The following MAP3K13 variants were observed in gnomAD, a reference collection of about 807,000 sequenced individuals.
MAP3K13 encodes mitogen-activated protein kinase kinase kinase 13, also known as leucine zipper-bearing kinase.
In MAP3K13, 52 loss-of-function variants were observed where a neutral mutation model predicts 104.0. The ratio of observed to expected loss-of-function variants is 0.50; its 90% CI spans 0.40 to 0.63. The LOEUF (loss-of-function observed/expected upper bound fraction) is 0.63, where lower values mean the gene tolerates loss of function less well. MAP3K13 is among the 20% of genes least tolerant of loss of function. The pLI, the probability that MAP3K13 is intolerant of heterozygous loss-of-function variation, is 0.00. For synonymous variants in MAP3K13, 394 were observed against 442.2 expected (o/e 0.89, Z 1.37); for missense variants, 914 against 1,218.5 (o/e 0.75, Z 3.72).
In MAP3K13 at chr3:185,473,741, A is replaced by G. The variant is rs1717948314; in HGVS notation, c.2410A>G (p.Lys804Glu). 6.2e-7 allele frequency: 1 copy of G among 1,613,528 alleles called. No homozygotes were observed. Among genetic ancestry groups the G allele is most frequent in the African/African-American group, 1.3e-5 (1 of 74,996 alleles). ...CGGCACCCCTCCAGCGCTACCTCGA[A>G]AAACAAGGCCTCTGCAGAAGGTAAA... ...HLGTPPALPR[K>E]TRPLQKSGDD... The change falls in exon 11 of 14, where the codon AAA (lysine) becomes GAA (glutamate). Residue 804 changes from lysine to glutamate, a missense_variant. Around this residue, in one of 3 missense-constraint regions of MAP3K13, gnomAD observed 583 missense variants for 737.4 expected, o/e 0.79. Coordinates refer to ENST00000265026, the MANE Select transcript of MAP3K13 (RefSeq NM_004721.5). This position sits in a 1 kb window ranked among gnomAD's most constrained non-coding sequence, Gnocchi z 4.9.
At chr3:185,290,275 T>C (rs1720685211) in intron 2 of MAP3K13, among the ~76,000 whole-genome samples, 1 of 152,152 alleles carries the variant, frequency 6.6e-6, no homozygotes, top group South Asian at 2.1e-4. Context: ...TTACAAAAAT[T>C]AGGTTATAGA....
Position 185,473,506 on chromosome 3 carries a change from G to A in MAP3K13, c.2175G>A (p.Gln725=), listed in dbSNP as rs1717932033. Residue 725 remains glutamine, a synonymous_variant, in exon 11 of 14, where the codon CAG becomes CAA. Coordinates refer to ENST00000265026, the MANE Select transcript of MAP3K13 (RefSeq NM_004721.5). This position sits in a 1 kb window ranked among gnomAD's most constrained non-coding sequence, Gnocchi z 4.9. ...AAGCTGGTCCCTGGGGCTGTTGCCAGGCTGACGCTTATGACCCCTGCCTTC... is the reference window on the plus strand; with the variant it reads ...AAGCTGGTCCCTGGGGCTGTTGCCAAGCTGACGCTTATGACCCCTGCCTTC... The part of the protein sequence containing the change: ...KGQAGPWGCC[Q]ADAYDPCLQC... 2 of 1,614,120 alleles carry A rather than the reference G, an allele frequency of 1.2e-6. No individual in the cohort carries two copies. The highest frequency in any genetic ancestry group is 2.2e-5 in the South Asian group (2 of 91,090).
chr3:185,399,214 G>T (rs571677767), intron 1 of MAP3K13, among the ~76,000 whole-genome samples: 18 of 152,052 alleles, frequency 1.2e-4, no homozygotes, highest in African/African-American at 4.3e-4. Context: ...AAGAAACAAA[G>T]GAAAGTGACA....
At chr3:185,444,521 G>T (rs1715494091) in intron 4 of MAP3K13, among the ~76,000 whole-genome samples, 1 of 152,056 alleles carries the variant, frequency 6.6e-6, no homozygotes, top group Non-Finnish European at 1.5e-5. Flanking sequence ...CAATTACAAG[G>T]TTCACAATGG....
chr3:185,295,197 TTTGTTGTTGTTG>T, intron 2 of MAP3K13, among the ~76,000 whole-genome samples: 1 of 152,002 alleles, frequency 6.6e-6, no homozygotes, highest in Middle Eastern at 3.4e-3. Context: ...TGTTGTTGTT[TTTGTTGTTGTTG>T]TTGTTGTTGT....
intron 10 of MAP3K13, among the ~76,000 whole-genome samples, chr3:185,467,760 T>C (rs1256095762): frequency 1.4e-5 from 2 of 143,360 alleles, no homozygotes; most frequent in African/African-American, 5.3e-5. Flanking sequence ...CCCAGTCTGG[T>C]GACAGAGCGA....
intron 1 of MAP3K13, among the ~76,000 whole-genome samples, chr3:185,379,564 C>G (rs1328839983): frequency 2.0e-5 from 3 of 152,056 alleles, no homozygotes; most frequent in Non-Finnish European, 4.4e-5. Flanking sequence ...GACTGGTCTC[C>G]CGAAGGAGTC....
At chr3:185,330,534 G>A (rs1018340717) in intron 2 of MAP3K13, among the ~76,000 whole-genome samples, 2 of 152,156 alleles carry the variant, frequency 1.3e-5, no homozygotes, top group Non-Finnish European at 2.9e-5. Context: ...GCTGGGCCAA[G>A]TTCCTCATTT....
chr3:185,379,042 T>C (rs1203744422), intron 1 of MAP3K13, among the ~76,000 whole-genome samples: 1 of 151,798 alleles, frequency 6.6e-6, no homozygotes, highest in Non-Finnish European at 1.5e-5. Context: ...AGGAGGCAAG[T>C]TTAAAGAGAA....
intron 2 of MAP3K13, among the ~76,000 whole-genome samples, chr3:185,355,793 C>A (rs1170784997): frequency 6.6e-6 from 1 of 152,098 alleles, no homozygotes; most frequent in Non-Finnish European, 1.5e-5. Context: ...TATAATCTGT[C>A]AACCACAGAA....
chr3:185,304,045 T>C (rs751545048), intron 2 of MAP3K13, among the ~76,000 whole-genome samples: 6 of 152,238 alleles, frequency 3.9e-5, no homozygotes, highest in African/African-American at 2.4e-5. Flanking sequence ...CTCAAGATAT[T>C]TCCTAATTTT....
chr3:185,357,109 T>TTC lies in MAP3K13; in HGVS notation c.-85-71372_-85-71371dup, dbSNP rs1389899870. Among the ~76,000 whole-genome samples the TTC allele has an allele frequency of 1.1e-3, 172 of 150,866 alleles. 1 individual carries two copies. The highest frequency in any genetic ancestry group is 3.8e-3 in the African/African-American group (155 of 41,200). On this transcript the variant is annotated intron_variant, in intron 2 of 14. Coordinates refer to the MAP3K13 transcript ENST00000424227. The stretch of plus-strand genomic sequence containing the variant: ...TAGAGAGTTAAGAAGTTTTTTTTTT[T>TTC]TCTCTCTCTCTCTCTCTTTTTACAT...
At position 185,364,363 on chromosome 3, in the gene MAP3K13, C is replaced by T. The variant is rs74919939; in HGVS notation, c.-86+995C>T. Reference sequence around the variant, plus strand: ...CTGCCCCTGGGGCAGCTCCTCAACCCGAATAATCTGACAGCATTTCCCAAC... The same window carrying T: ...CTGCCCCTGGGGCAGCTCCTCAACCTGAATAATCTGACAGCATTTCCCAAC... On this transcript the variant is annotated intron_variant, in intron 1 of 13. Transcript: ENST00000265026. Among the ~76,000 whole-genome samples the T allele has an allele frequency of 7.4e-3, 1,127 of 152,182 alleles. 7 individuals carry two copies. The highest frequency in any genetic ancestry group is 0.012 in the Non-Finnish European group (834 of 68,012).
intron 7 of MAP3K13, among the ~76,000 whole-genome samples, chr3:185,453,826 GATATAT>G (rs61131175): frequency 8.4e-5 from 1 of 11,884 alleles, no homozygotes; most frequent in Non-Finnish European, 2.2e-4. Context: ...ATATATATGA[GATATAT>G]ATATATGATA....
At chr3:185,337,481 C>G (rs1722549647) in intron 2 of MAP3K13, among the ~76,000 whole-genome samples, 1 of 152,180 alleles carries the variant, frequency 6.6e-6, no homozygotes, top group South Asian at 2.1e-4. Context: ...AAGAGAAACA[C>G]TTAGGCAAAT....
intron 2 of MAP3K13, among the ~76,000 whole-genome samples, chr3:185,338,850 T>C (rs1722612346): frequency 6.6e-6 from 1 of 152,184 alleles, no homozygotes; most frequent in African/African-American, 2.4e-5. Context: ...CAATTTTACT[T>C]GTGTTAATTT....
At chr3:185,298,764 A>C (rs554340077) in intron 2 of MAP3K13, among the ~76,000 whole-genome samples, 1 of 152,104 alleles carries the variant, frequency 6.6e-6, no homozygotes, top group Non-Finnish European at 1.5e-5. Flanking sequence ...ATATCCCCCA[A>C]CTGGTTTGCT....
intron 1 of MAP3K13, among the ~76,000 whole-genome samples, chr3:185,378,285 G>C (rs1299309138): frequency 6.6e-6 from 1 of 152,154 alleles, no homozygotes; most frequent in Non-Finnish European, 1.5e-5. Context: ...ACGGCCTTCT[G>C]ACCTTACAGG....
chr3:185,285,523 A>G lies in MAP3K13; in HGVS notation c.-204-2A>G. 8.8e-7 allele frequency: 1 copy of G among 1,140,604 alleles called. No homozygotes were observed. The highest frequency in any genetic ancestry group is 1.3e-6 in the Non-Finnish European group (1 of 797,120). The allele number at this position is 1,140,604 out of a possible 1,614,324, so 70.7% of individuals were successfully genotyped here. A position where few individuals can be genotyped will look rare whatever the true frequency, so the allele number is the denominator to read the frequency against. On this transcript the variant is annotated splice_acceptor_variant, in intron 1 of 14. Transcript: ENST00000424227. LOFTEE classifies it low-confidence loss of function (5UTR_SPLICE). ...ACATTCTTGAGGTTTTTAGTTTTGC[A>G]GAACACTGAAATCTATGGACTCTAA...
Sources: allele counts gnomAD v4.1 joint callset (sites outside exome capture counted in the v4.1 genomes callset), GRCh38; gene constraint gnomAD v4.1.1; regional missense constraint gnomAD v4.1.1; non-coding constraint Gnocchi (gnomAD v3.1); transcripts MANE v1.5; gene names NCBI Gene and HGNC (gene_info 2026-07-23, HGNC 2026-07-21).